Variants in KATNIP observed in about 807,000 individuals in gnomAD.
KATNIP encodes the protein katanin interacting protein, also known as katanin-interacting protein.
In KATNIP, 126 loss-of-function variants were observed where a neutral mutation model predicts 174.0. The ratio of observed to expected loss-of-function variants is 0.72; its 90% CI spans 0.63 to 0.84. KATNIP has a LOEUF of 0.84. KATNIP is among the 40% of genes least tolerant of loss of function. The pLI is 0.00. For missense variants in KATNIP, 1,958 were observed against 2,109.7 expected (o/e 0.93, Z 1.41); for synonymous variants, 810 against 835.7 (o/e 0.97, Z 0.53).
chr16:27,551,250 C>T (rs1410461478), intron 1 of KATNIP, among the ~76,000 whole-genome samples: 2 of 152,202 alleles, frequency 1.3e-5, no homozygotes, highest in African/African-American at 4.8e-5. Flanking sequence ...AGCACTGTCC[C>T]TCACTTCTCG....
chr16:27,648,292 C>CA (rs74809919), intron 5 of KATNIP, among the ~76,000 whole-genome samples: 1,198 of 103,972 alleles, frequency 0.012, 26 homozygotes, highest in East Asian at 0.11. Context: ...GATCCTGACT[C>CA]AAAAAAAAAA....
intron 14 of KATNIP, among the ~76,000 whole-genome samples, chr16:27,724,642 A>G (rs1290865562): frequency 6.6e-6 from 1 of 152,194 alleles, no homozygotes; most frequent in African/African-American, 2.4e-5. Flanking sequence ...GGCACCGCTT[A>G]TGTAACACAA....
chr16:27,591,248 G>C (rs1471493651), intron 2 of KATNIP, among the ~76,000 whole-genome samples: 6 of 151,446 alleles, frequency 4.0e-5, no homozygotes, highest in African/African-American at 1.5e-4. Context: ...GCAGTGGTGC[G>C]ATCTTGGCTC....
At chr16:27,775,533 G>C (rs2287788) in intron 24 of KATNIP, among the ~76,000 whole-genome samples, 4,250 of 152,282 alleles carry the variant, frequency 0.028, 99 homozygotes, top group East Asian at 0.1. Flanking sequence ...CCTCCTTCTG[G>C]CCCTAAATTG....
At chr16:27,607,633 T>C (rs2075750897) in intron 2 of KATNIP, among the ~76,000 whole-genome samples, 1 of 145,772 alleles carries the variant, frequency 6.9e-6, no homozygotes, top group South Asian at 2.3e-4. Flanking sequence ...AACCTCACTC[T>C]GTCACCCAGG....
intron 14 of KATNIP, among the ~76,000 whole-genome samples, chr16:27,726,540 G>T (rs1324178723): frequency 6.6e-6 from 1 of 152,230 alleles, no homozygotes; most frequent in Admixed American, 6.5e-5. Context: ...ATGAGTCTCA[G>T]TGCTGAGGGT....
intron 2 of KATNIP, among the ~76,000 whole-genome samples, chr16:27,590,163 A>T (rs1262094177): frequency 6.6e-6 from 1 of 151,904 alleles, no homozygotes; most frequent in Non-Finnish European, 1.5e-5. Context: ...TATTAAATAT[A>T]TTTTAAGTGT....
intron 8 of KATNIP, among the ~76,000 whole-genome samples, chr16:27,686,801 A>T (rs1435696922): frequency 1.3e-5 from 2 of 152,106 alleles, no homozygotes; most frequent in Non-Finnish European, 2.9e-5. Context: ...TTCTTGACTT[A>T]CTAGGGTTTA....
Position 27,713,776 on chromosome 16 carries a change from C to CACAT in KATNIP, c.1605+4858_1605+4861dup, listed in dbSNP as rs1567336447. ...ATATGTGTGTGTATATGTATATATACACATATTATATATGTGTGTGTGTGT... is the reference window on the plus strand; with the variant it reads ...ATATGTGTGTGTATATGTATATATACACATACATATTATATATGTGTGTGTGTGT... On this transcript the variant is annotated intron_variant, in intron 13 of 27. Transcript: ENST00000261588. 2.3e-3 allele frequency among the ~76,000 whole-genome samples: 40 copies of CACAT among 17,368 alleles called. 1 individual carries two copies. Among genetic ancestry groups the CACAT allele is most frequent in the African/African-American group, 3.8e-3 (16 of 4,230 alleles). The allele number at this position is 17,368 out of a possible 152,430, so 11.4% of individuals were successfully genotyped here.
chr16:27,619,583 C>T (rs986407879), intron 3 of KATNIP, among the ~76,000 whole-genome samples: 1 of 152,088 alleles, frequency 6.6e-6, no homozygotes, highest in Admixed American at 6.6e-5. Context: ...CAACAGGGGC[C>T]TTGGTGGCAT....
chr16:27,570,135 A>C lies in KATNIP; in HGVS notation c.8-3766A>C, dbSNP rs1366016718. 2.0e-5 allele frequency among the ~76,000 whole-genome samples: 3 copies of C among 152,310 alleles called. No individual in the cohort carries two copies. In the East Asian group the frequency reaches 5.8e-4, roughly 29 times the overall value. ...CGCAGGTCTCATGCTTGCTGCTTGC[A>C]GAGTTCGGTTAATAAGAGTGAGGTC... On this transcript the variant is annotated intron_variant, in intron 1 of 27. Transcript: ENST00000261588.
At chr16:27,664,506 A>G (rs993963556) in intron 6 of KATNIP, among the ~76,000 whole-genome samples, 9 of 152,222 alleles carry the variant, frequency 5.9e-5, no homozygotes, top group Non-Finnish European at 7.3e-5. Flanking sequence ...CACCACACCC[A>G]TAGGTATAGA....
At chr16:27,741,378 C>T (rs758340925) in intron 15 of KATNIP, among the ~76,000 whole-genome samples, 59 of 151,230 alleles carry the variant, frequency 3.9e-4, no homozygotes, top group Non-Finnish European at 5.8e-4. Context: ...GTCGAGGCTA[C>T]GGTGAGCCAT....
intron 21 of KATNIP, among the ~76,000 whole-genome samples, chr16:27,771,141 C>T (rs536107438): frequency 6.6e-6 from 1 of 152,136 alleles, no homozygotes; most frequent in Non-Finnish European, 1.5e-5. Context: ...AGCGTGGACC[C>T]TCCTTGTGTT....
chr16:27,776,837 G>T lies in KATNIP; in HGVS notation c.4450-91G>T. On this transcript the variant is annotated intron_variant, in intron 24 of 27. Transcript: ENST00000261588. The surrounding 1 kb of genome is among the most constrained non-coding windows in gnomAD (Gnocchi z 4.7). ...GGCAGGCGCTGCCTTGGGCACCACCGCTCACCCCAGCCCACGCCTGGCACC... is the reference window on the plus strand; with the variant it reads ...GGCAGGCGCTGCCTTGGGCACCACCTCTCACCCCAGCCCACGCCTGGCACC... The T allele has an allele frequency of 3.4e-6, 3 of 893,174 alleles. No individual in the cohort carries two copies. The highest frequency in any genetic ancestry group is 5.5e-6 in the Non-Finnish European group (3 of 542,098). 55.3% of individuals were successfully genotyped at this position (893,174 alleles called of 1,614,324 possible).
intron 8 of KATNIP, 89 bp downstream of exon 8, chr16:27,681,619 A>AG: frequency 6.8e-7 from 1 of 1,475,432 alleles, no homozygotes; most frequent in South Asian, 1.1e-5. Context: ...GCACTTCATT[A>AG]CCCTCCTTGC....
intron 10 of KATNIP, among the ~76,000 whole-genome samples, chr16:27,700,741 G>A (rs1434067221): frequency 1.3e-5 from 2 of 152,172 alleles, no homozygotes; most frequent in Non-Finnish European, 2.9e-5. Flanking sequence ...TTTGTGAGGC[G>A]GCGAAGTGGG....
chr16:27,761,686 G>A (rs1163087017), intron 19 of KATNIP, 96 bp downstream of exon 19: 6 of 1,140,330 alleles, frequency 5.3e-6, no homozygotes, highest in Non-Finnish European at 7.8e-6. Flanking sequence ...AAATAGAATC[G>A]CATATGTCCC....
chr16:27,693,541 A>G (rs1453348339), intron 8 of KATNIP, among the ~76,000 whole-genome samples: 2 of 152,100 alleles, frequency 1.3e-5, no homozygotes, highest in Non-Finnish European at 2.9e-5. Flanking sequence ...GGCGCCCGCC[A>G]CCATGCCTGG....
Sources: gnomAD v4.1 joint callset for allele counts (sites outside exome capture counted in the v4.1 genomes callset) on GRCh38, gnomAD v4.1.1 for gene constraint, Gnocchi (gnomAD v3.1) non-coding constraint, MANE v1.5 for transcripts, NCBI Gene and HGNC (gene_info 2026-07-23, HGNC 2026-07-21) for gene names.